PLCL1: variants seen among roughly 807,000 people sequenced by gnomAD.
PLCL1 encodes phospholipase C like 1 (inactive).
A neutral mutation model predicts 84.4 loss-of-function variants in PLCL1; 41 were observed. The ratio of observed to expected loss-of-function variants is 0.49; its 90% CI spans 0.38 to 0.63. The LOEUF is 0.63. Ranked by LOEUF, PLCL1 falls within the 30% of genes least tolerant of loss-of-function variation. The pLI, the probability that PLCL1 is intolerant of heterozygous loss-of-function variation, is 0.00. For missense variants in PLCL1, 1,206 were observed against 1,367.8 expected, an observed-to-expected ratio of 0.88 and a Z score of 1.87; for synonymous variants, 490 against 488.3, an observed-to-expected ratio of 1.00 and a Z score of -0.05.
intron 1 of PLCL1, among the ~76,000 whole-genome samples, chr2:197,834,171 G>A (rs981787432): frequency 6.6e-6 from 1 of 151,996 alleles, no homozygotes; most frequent in African/African-American, 2.4e-5. Flanking sequence ...AACTCAAGAT[G>A]GATTAAAGAG....
chr2:197,879,987 C>G (rs927540306), intron 1 of PLCL1, among the ~76,000 whole-genome samples: 3 of 152,052 alleles, frequency 2.0e-5, no homozygotes, highest in Non-Finnish European at 2.9e-5. Context: ...ATATTTCTTT[C>G]GAAACAATTT....
intron 1 of PLCL1, among the ~76,000 whole-genome samples, chr2:197,895,362 A>G (rs1688114988): frequency 6.6e-6 from 1 of 152,026 alleles, no homozygotes; most frequent in South Asian, 2.1e-4. Context: ...AGAGAAGAAT[A>G]TAGGTAAATA....
rs1247883515 is a variant in PLCL1, at chr2:197,989,718, C to CAAAACAA, written c.241-94028_241-94022dup. The stretch of plus-strand genomic sequence containing the variant: ...GACTCTGTCTCAAAACAAAACAAAA[C>CAAAACAA]AAAACAAAAAACAAAAAAAAAAGTG... On this transcript the variant is annotated intron_variant, in intron 1 of 5. Coordinates refer to ENST00000428675, the MANE Select transcript of PLCL1 (RefSeq NM_006226.4). Among the ~76,000 whole-genome samples the CAAAACAA allele has an allele frequency of 6.3e-4, 95 of 150,362 alleles. 1 individual carries two copies. The highest frequency in any genetic ancestry group is 2.2e-4 in the Non-Finnish European group (15 of 67,556).
intron 1 of PLCL1, among the ~76,000 whole-genome samples, chr2:197,865,521 C>T (rs773068082): frequency 3.9e-5 from 6 of 152,058 alleles, no homozygotes; most frequent in East Asian, 1.9e-4. Context: ...AGAAAACTAC[C>T]GATATGGCCG....
chr2:197,999,511 T>A (rs1392572033), intron 1 of PLCL1, among the ~76,000 whole-genome samples: 1 of 152,226 alleles, frequency 6.6e-6, no homozygotes, highest in African/African-American at 2.4e-5. Flanking sequence ...CTTGCTTGTT[T>A]AGTGATATTC....
chr2:197,860,967 G>T (rs954000076), intron 1 of PLCL1, among the ~76,000 whole-genome samples: 10 of 152,136 alleles, frequency 6.6e-5, no homozygotes, highest in Admixed American at 5.2e-4. Context: ...GAATGGTATT[G>T]TCTAGATTGG....
At chr2:197,834,065 T>A (rs1226268065) in intron 1 of PLCL1, among the ~76,000 whole-genome samples, 1 of 152,046 alleles carries the variant, frequency 6.6e-6, no homozygotes, top group African/African-American at 2.4e-5. Flanking sequence ...AGCAGTGGGG[T>A]AAGATTCCCT....
At chr2:197,955,012 G>A (rs544532657) in intron 1 of PLCL1, among the ~76,000 whole-genome samples, 6 of 151,994 alleles carry the variant, frequency 3.9e-5, no homozygotes, top group Non-Finnish European at 7.4e-5. Flanking sequence ...TCATTTTCTA[G>A]GCGGTGTATA....
intron 5 of PLCL1, among the ~76,000 whole-genome samples, chr2:198,132,462 G>T (rs939679690): frequency 7.2e-5 from 11 of 151,810 alleles, no homozygotes; most frequent in African/African-American, 2.2e-4. Context: ...TTTTTGGGGG[G>T]GGGAGTCCAC....
At chr2:197,893,470 A>G (rs776574730) in intron 1 of PLCL1, among the ~76,000 whole-genome samples, 17 of 152,206 alleles carry the variant, frequency 1.1e-4, no homozygotes, top group Non-Finnish European at 2.2e-4. Context: ...TTACATTCCT[A>G]TAGCACGTTA....
intron 1 of PLCL1, among the ~76,000 whole-genome samples, chr2:197,818,639 G>C (rs1281214134): frequency 6.6e-6 from 1 of 152,080 alleles, no homozygotes; most frequent in Non-Finnish European, 1.5e-5. Flanking sequence ...CAGTAGCTGG[G>C]ACTACAGCAC....
At position 197,987,357 on chromosome 2, in the gene PLCL1, C is replaced by T. The variant is rs1229922627; in HGVS notation, c.241-96401C>T. 2.0e-5 allele frequency among the ~76,000 whole-genome samples: 3 copies of T among 152,178 alleles called. No individual in the cohort carries two copies. The East Asian group carries it at 5.8e-4, about 29-fold the overall frequency. ...CTTCTTTAGAAAAGTCAGATCTGGC[C>T]ACACTGTGCCCACATTCATGCATGG... On this transcript the variant is annotated intron_variant, in intron 1 of 5. Transcript: ENST00000428675.
chr2:198,075,496 G>T (rs1029987540), intron 1 of PLCL1, among the ~76,000 whole-genome samples: 6 of 152,216 alleles, frequency 3.9e-5, no homozygotes, highest in African/African-American at 1.2e-4. Flanking sequence ...TTGTTGACTA[G>T]AGAAATGGAA....
At chr2:197,857,859 T>C (rs564452861) in intron 1 of PLCL1, among the ~76,000 whole-genome samples, 24 of 152,164 alleles carry the variant, frequency 1.6e-4, no homozygotes, top group Middle Eastern at 3.4e-3. Flanking sequence ...TGGAATTATA[T>C]AACCTTGCCC....
In PLCL1 at chr2:197,867,847, G is replaced by T. The variant is rs138164636; in HGVS notation, c.240+62508G>T. On this transcript the variant is annotated intron_variant, in intron 1 of 5. Transcript: ENST00000428675. ...GAGATGTCACTCTGACTCTTGTGGTGATCTCACAGAAATACTCATAAAAAA... is the reference window on the plus strand; with the variant it reads ...GAGATGTCACTCTGACTCTTGTGGTTATCTCACAGAAATACTCATAAAAAA... 6.1e-3 allele frequency among the ~76,000 whole-genome samples: 930 copies of T among 152,228 alleles called. 3 individuals carry two copies. The highest frequency in any genetic ancestry group is 0.011 in the Non-Finnish European group (751 of 67,990).
At chr2:198,142,293 TA>T (rs1186059525) in intron 5 of PLCL1, among the ~76,000 whole-genome samples, 2 of 152,304 alleles carry the variant, frequency 1.3e-5, no homozygotes, top group Non-Finnish European at 2.9e-5. Context: ...TGAACTGGTT[TA>T]CGTTTAGTAT....
chr2:198,108,116 A>G (rs915186141), intron 5 of PLCL1, among the ~76,000 whole-genome samples: 2 of 151,846 alleles, frequency 1.3e-5, no homozygotes, highest in Admixed American at 6.6e-5. Context: ...TTCCCAATTA[A>G]TTCTCCAGAC....
intron 1 of PLCL1, among the ~76,000 whole-genome samples, chr2:197,956,599 T>C (rs892074281): frequency 5.3e-5 from 8 of 152,206 alleles, no homozygotes; most frequent in Non-Finnish European, 1.5e-5. Context: ...CCTGACTTTT[T>C]AATAATCGCC....
At chr2:198,061,106 G>A (rs1185730882) in intron 1 of PLCL1, among the ~76,000 whole-genome samples, 6 of 152,092 alleles carry the variant, frequency 3.9e-5, no homozygotes. Context: ...TCCCATTGTG[G>A]AATTCTAGTT....
Sources: allele counts gnomAD v4.1 joint callset (sites outside exome capture counted in the v4.1 genomes callset), GRCh38; gene constraint gnomAD v4.1.1; transcripts MANE v1.5; gene names NCBI Gene and HGNC (gene_info 2026-07-23, HGNC 2026-07-21).